Variants in KRT7 observed in about 807,000 individuals in gnomAD.
The protein encoded by KRT7 is keratin, type II cytoskeletal 7.
A neutral mutation model predicts 42.8 loss-of-function variants in KRT7; 50 were observed. The observed-to-expected ratio is 1.17, with a 90% CI of 0.93 to 1.48. The LOEUF (loss-of-function observed/expected upper bound fraction) is 1.48. Among genes scored for constraint, KRT7 ranks in the 40% most tolerant of loss-of-function variants. The probability of loss-of-function intolerance (pLI) is 0.00; values close to 1 mark genes in which losing one functional copy is unlikely to be tolerated. For synonymous variants in KRT7, 268 were observed against 266.3 expected (o/e 1.01, Z -0.06); for missense variants, 588 against 637.6 (o/e 0.92, Z 0.84).
At chr12:52,252,729 GC>G (rs1442951585), downstream of KRT7, among the ~76,000 whole-genome samples, 1 of 152,204 alleles carries the variant, frequency 6.6e-6, no homozygotes, top group African/African-American at 2.4e-5. Context: ...CTGCATTTCT[GC>G]ATGGCCTGCC....
At chr12:52,252,519 T>A (rs903764260), downstream of KRT7, 1 of 1,608,438 alleles carries the variant, frequency 6.2e-7, no homozygotes, top group African/African-American at 1.3e-5. Flanking sequence ...ATCTCTGTTC[T>A]GGCTTCAGGG....
chr12:52,246,934 T>C (rs771847814), intron 7 of KRT7, among the ~76,000 whole-genome samples: 6 of 152,144 alleles, frequency 3.9e-5, no homozygotes, highest in Non-Finnish European at 5.9e-5. Context: ...TGGTCAGTAG[T>C]GTGCCCAAGG....
downstream of KRT7, chr12:52,255,357 A>G: frequency 2.2e-6 from 1 of 456,830 alleles, no homozygotes; most frequent in African/African-American, 2.0e-5. Context: ...CACCTTCTTC[A>G]AGGCCACAAA....
At chr12:52,249,305 C>G (rs1347056006), downstream of KRT7, 1 of 152,330 alleles carries the variant, frequency 6.6e-6, no homozygotes, top group African/African-American at 2.4e-5. Context: ...CTTCCAGTTT[C>G]GGGTGGCCCA....
Position 52,241,553 on chromosome 12 carries a change from G to T in KRT7, c.775G>T (p.Gly259Cys). Residue 259 changes from glycine to cysteine, a missense_variant, in exon 5 of 9, where the codon GGC becomes TGC. Transcript: ENST00000331817. ...MDNSRSLDLDGIIAEVKAQYE... is the reference protein window; with the variant it reads ...MDNSRSLDLDCIIAEVKAQYE... ...CAACAGTCGCTCCCTGGACCTGGACGGCATCATCGCTGAGGTCAAGGCGCA... is the reference window on the plus strand; with the variant it reads ...CAACAGTCGCTCCCTGGACCTGGACTGCATCATCGCTGAGGTCAAGGCGCA... 1 of 1,613,958 alleles carries T rather than the reference G, an allele frequency of 6.2e-7. No homozygotes were observed. The highest frequency in any genetic ancestry group is 1.1e-5 in the South Asian group (1 of 91,036).
chr12:52,233,918 C>T (rs539938575), intron 1 of KRT7, among the ~76,000 whole-genome samples: 1 of 152,180 alleles, frequency 6.6e-6, no homozygotes, highest in East Asian at 1.9e-4. Flanking sequence ...GCCTGTTGGT[C>T]ACCTGGACCA....
downstream of KRT7, among the ~76,000 whole-genome samples, chr12:52,252,699 A>G (rs1240819682): frequency 6.6e-6 from 1 of 152,238 alleles, no homozygotes; most frequent in African/African-American, 2.4e-5. Context: ...AAAAGATCAG[A>G]GGATCTGGCC....
intron 2 of KRT7, 101 bp from the exon 3 acceptor site, chr12:52,237,407 AG>A: frequency 1.3e-6 from 1 of 790,266 alleles, no homozygotes; most frequent in Non-Finnish European, 2.0e-6. Context: ...TTTAAAGAGT[AG>A]GGGAAGGGAG....
intron 7 of KRT7, 148 bp from the exon 8 acceptor site, chr12:52,248,029 C>A: frequency 1.3e-6 from 1 of 766,812 alleles, no homozygotes. Flanking sequence ...CTCCTCGCTC[C>A]TTTTACAAGG....
chr12:52,233,584 G>A lies in KRT7; in HGVS notation c.288G>A (p.Lys96=). Residue 96 remains lysine (K), a synonymous_variant, in exon 1 of 9, where the codon AAG becomes AAA. Transcript: ENST00000331817. ...GCCAGGAGGAGAGCGAGCAGATCAA[G>A]ACCCTCAACAACAAGTTTGCCTCCT... ...RVRQEESEQI[K]TLNNKFASFI... 1 of 1,613,100 alleles carries A rather than the reference G, an allele frequency of 6.2e-7. No individual in the cohort carries two copies. Among genetic ancestry groups the A allele is most frequent in the Non-Finnish European group, 8.5e-7 (1 of 1,179,814 alleles).
chr12:52,234,709 C>T (rs952491184), intron 1 of KRT7, among the ~76,000 whole-genome samples: 1 of 152,124 alleles, frequency 6.6e-6, no homozygotes, highest in Non-Finnish European at 1.5e-5. Context: ...GTCATTTTAC[C>T]ATGGATTGAC....
rs1477121425 is a variant in KRT7 at position 52,238,775 on chromosome 12, G to T, written c.693G>T (p.Thr231=). 5 of 1,586,766 alleles carry T rather than the reference G, an allele frequency of 3.2e-6. No individual in the cohort carries two copies. The highest frequency in any genetic ancestry group is 4.3e-6 in the Non-Finnish European group (5 of 1,155,036). Residue 231 remains threonine, a splice_region_variant and synonymous_variant, in exon 4 of 9, where the codon ACG becomes ACT. Coordinates refer to ENST00000331817, the MANE Select transcript of KRT7 (RefSeq NM_005556.4). The stretch of plus-strand genomic sequence containing the variant: ...ACTTCCTCAGGACCCTCAATGAGAC[G>T]GTGAGGACCATGGAGCTGGGTGACA... ...EINFLRTLNE[T]ELTELQSQIS...
downstream of KRT7, chr12:52,253,673 A>C: frequency 7.5e-5 from 111 of 1,471,134 alleles, no homozygotes; most frequent in Middle Eastern, 1.9e-4. Context: ...CTTTGATCTC[A>C]GTGATGACAC....
chr12:52,233,446 C>A lies in KRT7; in HGVS notation c.150C>A (p.Ala50=), dbSNP rs1346482589. ...TCGGCGCCTCACGGCCGCGCGTGGC[C>A]GTGCGCTCTGCCTATGGGGGCCCGG... is the stretch of plus-strand genomic sequence containing the variant. ...YGLGASRPRV[A]VRSAYGGPVG... Residue 50 remains alanine (A), a synonymous_variant, in exon 1 of 9, where the codon GCC becomes GCA. Transcript: ENST00000331817. 6.3e-7 allele frequency: 1 copy of A among 1,584,562 alleles called. No individual in the cohort carries two copies. Among genetic ancestry groups the A allele is most frequent in the African/African-American group, 1.4e-5 (1 of 71,618 alleles).
At chr12:52,240,120 T>G (rs755700330) in intron 4 of KRT7, among the ~76,000 whole-genome samples, 1 of 152,122 alleles carries the variant, frequency 6.6e-6, no homozygotes, top group African/African-American at 2.4e-5. Context: ...CAGGTCTTCC[T>G]GGGTCTATCA....
chr12:52,238,836 T>C, intron 4 of KRT7, 61 bp downstream of exon 4: 1 of 1,058,930 alleles, frequency 9.4e-7, no homozygotes. Context: ...GGGAGCCATC[T>C]GGTCCAGCCC....
intron 5 of KRT7, 21 bp downstream of exon 5, chr12:52,241,657 T>A (rs779668950): frequency 6.3e-6 from 10 of 1,590,274 alleles, no homozygotes; most frequent in Non-Finnish European, 8.6e-6. Flanking sequence ...ACCAGGGGCG[T>A]ATTTCCTCCT....
intron 4 of KRT7, among the ~76,000 whole-genome samples, 164 bp downstream of exon 4, chr12:52,238,939 C>T (rs928583294): frequency 7.9e-5 from 12 of 152,316 alleles, no homozygotes; most frequent in Admixed American, 2.6e-4. Flanking sequence ...TGGAGAACAG[C>T]GAAAGTGAGA....
chr12:52,250,540 C>T (rs1330141562), downstream of KRT7: 19 of 1,094,638 alleles, frequency 1.7e-5, no homozygotes, highest in Middle Eastern at 5.8e-4. Context: ...CTCACCGCCA[C>T]GTTCCCGCTG....
Sources: allele counts gnomAD v4.1 joint callset (sites outside exome capture counted in the v4.1 genomes callset), GRCh38; gene constraint gnomAD v4.1.1; transcripts MANE v1.5; gene names NCBI Gene and HGNC (gene_info 2026-07-23, HGNC 2026-07-21).